The following PRDX2 variants were observed in gnomAD, a reference collection of about 807,000 sequenced individuals.
PRDX2 encodes peroxiredoxin 2, also known as peroxiredoxin-2.
PRDX2 carries 10 observed loss-of-function variants against 19.8 expected under a neutral mutation model. The observed-to-expected ratio is 0.50, with a 90% confidence interval of 0.31 to 0.86. The LOEUF (loss-of-function observed/expected upper bound fraction) is 0.86. PRDX2 is among the 40% of genes least tolerant of loss of function. The pLI, the probability that PRDX2 is intolerant of heterozygous loss-of-function variation, is 0.04. For synonymous variants in PRDX2, 118 were observed against 108.2 expected (o/e 1.09, Z -0.56); for missense variants, 226 against 260.1 (o/e 0.87, Z 0.90).
chr19:12,798,164 C>T (rs1207704531), intron 5 of PRDX2, among the ~76,000 whole-genome samples: 6 of 151,042 alleles, frequency 4.0e-5, no homozygotes, highest in African/African-American at 1.5e-4. Flanking sequence ...CCTACCTCAG[C>T]CGCCAGAGTA....
rs1378956521 is a variant in PRDX2 at position 12,796,964 on chromosome 19, T to C, written c.*117A>G. On this transcript the variant is annotated 3_prime_UTR_variant, in exon 6 of 6. Transcript: ENST00000301522. Reference sequence around the variant, plus strand: ...CCTCCAGGGTCCCATACTGTGGAGTTTGGAGGGGCAGGTCTGGCCTTTCCT... The same window carrying C: ...CCTCCAGGGTCCCATACTGTGGAGTCTGGAGGGGCAGGTCTGGCCTTTCCT... 2 of 980,074 alleles carry C rather than the reference T, an allele frequency of 2.0e-6. No homozygotes were observed. Among genetic ancestry groups the C allele is most frequent in the African/African-American group, 1.6e-5 (1 of 62,262 alleles). 60.7% of individuals were successfully genotyped at this position (980,074 alleles called of 1,614,324 possible).
chr19:12,797,048 G>A lies in PRDX2; in HGVS notation c.*33C>T, dbSNP rs748707610. On this transcript the variant is annotated 3_prime_UTR_variant, in exon 6 of 6. Transcript: ENST00000301522. ...GTGGACACCCAGCACAGGCACCTAG[G>A]CAGGGGCACAAGCTCACTATCCGTT... is the stretch of plus-strand genomic sequence containing the variant. 6.2e-6 allele frequency: 10 copies of A among 1,609,086 alleles called. No individual in the cohort carries two copies. The South Asian group carries it at 1.1e-4, about 18-fold the overall frequency.
intron 5 of PRDX2, among the ~76,000 whole-genome samples, chr19:12,798,279 T>A (rs1312773449): frequency 1.3e-5 from 2 of 151,940 alleles, no homozygotes; most frequent in African/African-American, 4.8e-5. Flanking sequence ...TCTCCTGACC[T>A]CTTGATCCGC....
Position 12,797,117 on chromosome 19 carries a change from C to T in PRDX2, c.561G>A (p.Val187=), listed in dbSNP as rs1968803015. The T allele has an allele frequency of 6.2e-7, 1 of 1,614,160 alleles. No homozygotes were observed. The highest frequency in any genetic ancestry group is 2.2e-5 in the East Asian group (1 of 44,886). Residue 187 remains valine, a synonymous_variant, in exon 6 of 6, where the codon GTG becomes GTA. Transcript: ENST00000301522. ...KPGSDTIKPN[V]DDSKEYFSKH... is the part of the protein sequence containing the mutation. ...TGGAGAAATATTCCTTGCTGTCATC[C>T]ACGTTGGGCTTAATCGTGTCACTGC...
intron 3 of PRDX2, 130 bp downstream of exon 3, chr19:12,800,786 C>T: frequency 6.5e-7 from 1 of 1,547,314 alleles, no homozygotes; most frequent in Admixed American, 2.0e-5. Flanking sequence ...ACTTGGGCGG[C>T]AATGTTTCCA....
chr19:12,799,663 T>G (rs1470426902), intron 5 of PRDX2, 196 bp downstream of exon 5: 6 of 646,102 alleles, frequency 9.3e-6, no homozygotes, highest in Non-Finnish European at 1.2e-5. Context: ...CCCGGCCCCT[T>G]TGTCCACCTT....
Position 12,800,933 on chromosome 19 carries a change from C to A in PRDX2, c.240G>T (p.Gln80His). ...CEVLGVSVDS[Q>H]FTHLAWINTP... ...GCTCATACCAAGCCAGGTGGGTGAACTGAGAGTCCACCGAGACGCCCAGCA... is the reference window on the plus strand; with the variant it reads ...GCTCATACCAAGCCAGGTGGGTGAAATGAGAGTCCACCGAGACGCCCAGCA... The change falls in exon 3 of 6, where the codon CAG becomes CAT. Residue 80 changes from glutamine (Q) to histidine (H), a missense_variant. Gln to His is a conservative substitution (Grantham distance 24). Coordinates refer to ENST00000301522, the MANE Select transcript of PRDX2 (RefSeq NM_005809.6). 2 of 1,610,854 alleles carry A rather than the reference C, an allele frequency of 1.2e-6. No homozygotes were observed. Among genetic ancestry groups the A allele is most frequent in the East Asian group, 2.2e-5 (1 of 44,760 alleles).
chr19:12,798,738 C>T (rs538903363), intron 5 of PRDX2, among the ~76,000 whole-genome samples: 3 of 148,096 alleles, frequency 2.0e-5, no homozygotes, highest in Non-Finnish European at 4.4e-5. Flanking sequence ...TGCCTAGGCT[C>T]GACTCAAATT....
intron 5 of PRDX2, among the ~76,000 whole-genome samples, chr19:12,799,162 G>A (rs950144950): frequency 6.6e-6 from 1 of 151,554 alleles, no homozygotes; most frequent in African/African-American, 2.4e-5. Context: ...GCCTCCCAAA[G>A]TGCTGGGATT....
chr19:12,798,193 C>T (rs1261443262), intron 5 of PRDX2, among the ~76,000 whole-genome samples: 4 of 151,426 alleles, frequency 2.6e-5, no homozygotes, highest in Non-Finnish European at 4.4e-5. Context: ...TACAGGCGCC[C>T]GCCACCACGC....
At chr19:12,801,413 C>T (rs557664089) in intron 1 of PRDX2, 143 bp from the exon 2 acceptor site, 2 of 916,684 alleles carry the variant, frequency 2.2e-6, no homozygotes, top group Admixed American at 2.3e-5. Flanking sequence ...ACCCGGTCTA[C>T]GAGGCCCGGA....
intron 5 of PRDX2, 79 bp from the exon 6 acceptor site, chr19:12,797,245 G>T: frequency 7.9e-7 from 1 of 1,271,352 alleles, no homozygotes; most frequent in Non-Finnish European, 1.1e-6. Flanking sequence ...CTGTGTTGCA[G>T]AAGAAAATGC....
At chr19:12,801,563 G>C (rs1364081279) in intron 1 of PRDX2, among the ~76,000 whole-genome samples, 177 bp downstream of exon 1, 2 of 152,250 alleles carry the variant, frequency 1.3e-5, no homozygotes, top group Non-Finnish European at 2.9e-5. Flanking sequence ...ACGAGCAGGG[G>C]GCGGGAAGTC....
At chr19:12,800,893 C>T in intron 3 of PRDX2, 23 bp downstream of exon 3, 7 of 1,591,008 alleles carry the variant, frequency 4.4e-6, no homozygotes, top group Non-Finnish European at 6.0e-6. Flanking sequence ...GCTGCAACCT[C>T]CCTCTTTGGC....
chr19:12,799,707 C>CA, intron 5 of PRDX2, 152 bp downstream of exon 5: 4 of 1,100,310 alleles, frequency 3.6e-6, no homozygotes, highest in Non-Finnish European at 5.1e-6. Context: ...TCTCCTACCA[C>CA]ATTAGAAACA....
chr19:12,800,147 C>G, intron 4 of PRDX2, 30 bp downstream of exon 4: 1 of 1,610,408 alleles, frequency 6.2e-7, no homozygotes, highest in Non-Finnish European at 8.5e-7. Context: ...GCAGGGCGCT[C>G]CCTGAGCCGG....
rs112697174 is a variant in PRDX2, at chr19:12,797,158, C to A, written c.520G>T (p.Ala174Ser). The A allele has an allele frequency of 1.8e-5, 29 of 1,613,850 alleles. No homozygotes were observed. The highest frequency in any genetic ancestry group is 2.4e-5 in the Non-Finnish European group (28 of 1,179,836). ...YTDEHGEVCP[A>S]GWKPGSDTIK... ...GTGTCACTGCCAGGCTTCCAGCCAG[C>A]GGGACAAACTGTGGGAAGACACAAG... Residue 174 changes from alanine to serine, a missense_variant, in exon 6 of 6, where the codon GCT becomes TCT. Coordinates refer to ENST00000301522, the MANE Select transcript of PRDX2 (RefSeq NM_005809.6).
intron 3 of PRDX2, chr19:12,800,694 G>C: frequency 6.8e-7 from 1 of 1,465,552 alleles, no homozygotes; most frequent in Non-Finnish European, 9.1e-7. Flanking sequence ...AGAGTAGATA[G>C]AGTTGCATCT....
At chr19:12,798,011 C>CT (rs1258458966) in intron 5 of PRDX2, among the ~76,000 whole-genome samples, 11 of 151,750 alleles carry the variant, frequency 7.2e-5, no homozygotes, top group African/African-American at 2.7e-4. Context: ...TCTTCAATTT[C>CT]TTTTTGCCAC....
Sources: gnomAD v4.1 joint callset for allele counts (sites outside exome capture counted in the v4.1 genomes callset) on GRCh38, gnomAD v4.1.1 for gene constraint, MANE v1.5 for transcripts, NCBI Gene and HGNC (gene_info 2026-07-23, HGNC 2026-07-21) for gene names.